SLC24A3: variants seen among roughly 807,000 people sequenced by gnomAD.
The protein encoded by SLC24A3 is solute carrier family 24 member 3.
Under a neutral mutation model 75.8 loss-of-function variants are expected in SLC24A3, and 28 were observed. The ratio of observed to expected loss-of-function variants is 0.37; its 90% CI spans 0.27 to 0.51. SLC24A3 has a LOEUF of 0.51. Ranked by LOEUF, SLC24A3 falls within the 20% of genes least tolerant of loss-of-function variation. The probability of loss-of-function intolerance (pLI) is 0.94; values close to 1 mark genes in which losing one functional copy is unlikely to be tolerated. For synonymous variants in SLC24A3, 372 were observed against 334.1 expected (o/e 1.11, Z -1.24); for missense variants, 663 against 847.8 (o/e 0.78, Z 2.71).
intron 2 of SLC24A3, among the ~76,000 whole-genome samples, chr20:19,432,272 TTATATA>T (rs3057540): frequency 0.025 from 3,561 of 145,296 alleles, 121 homozygotes; most frequent in East Asian, 0.1. Context: ...TATATCTGTT[TTATATA>T]TATATATATA....
At chr20:19,587,411 G>C in intron 6 of SLC24A3, among the ~76,000 whole-genome samples, 1 of 152,188 alleles carries the variant, frequency 6.6e-6, no homozygotes, top group Non-Finnish European at 1.5e-5. Flanking sequence ...GCTGGTGTCT[G>C]TCCCTTGACT....
chr20:19,693,140 T>C (rs2032764506), intron 12 of SLC24A3, 119 bp from the exon 13 acceptor site: 6 of 1,080,670 alleles, frequency 5.6e-6, no homozygotes, highest in Non-Finnish European at 7.7e-6. Context: ...AAGAGCAATA[T>C]AATAAGGTTT....
chr20:19,341,841 G>A (rs1985279596), intron 2 of SLC24A3, among the ~76,000 whole-genome samples: 1 of 152,142 alleles, frequency 6.6e-6, no homozygotes, highest in South Asian at 2.1e-4. Flanking sequence ...GATCTTGGAT[G>A]CCCTCTGCAA....
rs2033104150 is a variant in SLC24A3, at chr20:19,721,449, G to C, written c.*309G>C. The C allele has an allele frequency of 3.2e-6, 1 of 312,724 alleles. No homozygotes were observed. The highest frequency in any genetic ancestry group is 4.7e-5 in the Admixed American group (1 of 21,414). The allele number at this position is 312,724 out of a possible 1,614,324, so 19.4% of individuals were successfully genotyped here. On this transcript the variant is annotated 3_prime_UTR_variant, in exon 17 of 17. Coordinates refer to ENST00000328041, the MANE Select transcript of SLC24A3 (RefSeq NM_020689.4). ...AGAAAAACTGGCTGCTAACTGGCCT[G>C]AGCCAGGCAACACTGATTCCAATCC...
intron 3 of SLC24A3, among the ~76,000 whole-genome samples, chr20:19,551,265 TG>T (rs2030688728): frequency 6.6e-6 from 1 of 152,128 alleles, no homozygotes; most frequent in Non-Finnish European, 1.5e-5. Context: ...GAGGTGAAGA[TG>T]AGAATGGAAT....
At chr20:19,527,195 C>T (rs938562034) in intron 3 of SLC24A3, among the ~76,000 whole-genome samples, 1 of 152,160 alleles carries the variant, frequency 6.6e-6, no homozygotes, top group Non-Finnish European at 1.5e-5. Flanking sequence ...GCACAGATCT[C>T]CCTCTACTCT....
At chr20:19,669,429 G>C (rs1002531678) in intron 8 of SLC24A3, among the ~76,000 whole-genome samples, 11 of 151,942 alleles carry the variant, frequency 7.2e-5, no homozygotes, top group African/African-American at 2.7e-4. Flanking sequence ...TTGAACCCTG[G>C]CAGCGGAGGT....
chr20:19,235,663 C>G (rs1047473282), intron 1 of SLC24A3, among the ~76,000 whole-genome samples: 1 of 152,184 alleles, frequency 6.6e-6, no homozygotes, highest in Admixed American at 6.5e-5. Context: ...ACCTGTCTGG[C>G]CCTCTAGACC....
chr20:19,571,740 G>A (rs531116484), intron 3 of SLC24A3, among the ~76,000 whole-genome samples: 27 of 152,306 alleles, frequency 1.8e-4, no homozygotes, highest in African/African-American at 6.5e-4. Flanking sequence ...ATTTCAGCTG[G>A]TAATGGCTCC....
intron 3 of SLC24A3, among the ~76,000 whole-genome samples, chr20:19,568,929 GC>G (rs1325755764): frequency 6.6e-6 from 1 of 152,132 alleles, no homozygotes. Context: ...TAATGATGCA[GC>G]CCCTCTCGGA....
At chr20:19,251,015 A>G (rs1982638193) in intron 1 of SLC24A3, among the ~76,000 whole-genome samples, 1 of 152,208 alleles carries the variant, frequency 6.6e-6, no homozygotes, top group African/African-American at 2.4e-5. Context: ...CCATATATAA[A>G]TGATTGCAAA....
chr20:19,621,958 C>T (rs192727850), intron 6 of SLC24A3, among the ~76,000 whole-genome samples: 167 of 152,320 alleles, frequency 1.1e-3, no homozygotes, highest in African/African-American at 3.8e-3. Flanking sequence ...CTGCCCACCC[C>T]ACTTTAAATA....
intron 6 of SLC24A3, among the ~76,000 whole-genome samples, chr20:19,590,160 C>A (rs1465741259): frequency 1.3e-5 from 2 of 150,042 alleles, no homozygotes; most frequent in East Asian, 2.0e-4. Flanking sequence ...ATGGCAAAAA[C>A]CGCAATTACT....
intron 6 of SLC24A3, among the ~76,000 whole-genome samples, chr20:19,634,276 C>T (rs1411547504): frequency 6.6e-6 from 1 of 152,100 alleles, no homozygotes; most frequent in Non-Finnish European, 1.5e-5. Context: ...TTTCACAGAC[C>T]ACTTTTGATA....
At chr20:19,532,185 T>G (rs1195738984) in intron 3 of SLC24A3, among the ~76,000 whole-genome samples, 1 of 152,228 alleles carries the variant, frequency 6.6e-6, no homozygotes, top group Non-Finnish European at 1.5e-5. Context: ...ACAACGTTCC[T>G]TGATTCCTGT....
chr20:19,597,169 G>A (rs1460381667), intron 6 of SLC24A3, among the ~76,000 whole-genome samples: 1 of 135,948 alleles, frequency 7.4e-6, no homozygotes, highest in Admixed American at 7.2e-5. Flanking sequence ...GATTGCTTGA[G>A]CCTAGGAGTT....
intron 5 of SLC24A3, among the ~76,000 whole-genome samples, 166 bp from the exon 6 acceptor site, chr20:19,585,275 C>A (rs1349670660): frequency 6.6e-6 from 1 of 152,210 alleles, no homozygotes; most frequent in Non-Finnish European, 1.5e-5. Context: ...GCCCATCACA[C>A]TCCTGTGCAG....
chr20:19,614,531 C>T (rs1019929388), intron 6 of SLC24A3, among the ~76,000 whole-genome samples: 5 of 152,212 alleles, frequency 3.3e-5, no homozygotes, highest in Non-Finnish European at 2.9e-5. Flanking sequence ...TGGCAAAGAT[C>T]GCTTTGGATC....
intron 6 of SLC24A3, among the ~76,000 whole-genome samples, chr20:19,641,701 T>TA (rs2032077047): frequency 6.6e-6 from 1 of 152,120 alleles, no homozygotes; most frequent in Non-Finnish European, 1.5e-5. Context: ...GGGGTATTTT[T>TA]AAAACCCCAG....
Sources: gnomAD v4.1 joint callset for allele counts (sites outside exome capture counted in the v4.1 genomes callset) on GRCh38, gnomAD v4.1.1 for gene constraint, MANE v1.5 for transcripts, NCBI Gene and HGNC (gene_info 2026-07-23, HGNC 2026-07-21) for gene names.